Variants in CDH12 observed in about 807,000 individuals in gnomAD.
CDH12 encodes the protein cadherin-12.
A neutral mutation model predicts 74.1 loss-of-function variants in CDH12; 41 were observed. The ratio of observed to expected loss-of-function variants is 0.55; its 90% CI spans 0.43 to 0.72. CDH12 has a LOEUF of 0.72. Ranked by LOEUF, CDH12 falls within the 30% of genes least tolerant of loss-of-function variation. The pLI is 0.00. For synonymous variants in CDH12, 399 were observed against 355.0 expected, an observed-to-expected ratio of 1.12 and a Z score of -1.39; for missense variants, 945 against 977.2, an observed-to-expected ratio of 0.97 and a Z score of 0.44.
chr5:22,711,702 A>T (rs1459647563), intron 1 of CDH12, among the ~76,000 whole-genome samples: 9 of 152,084 alleles, frequency 5.9e-5, no homozygotes, highest in Admixed American at 1.3e-4. Flanking sequence ...TTTCTGAAAC[A>T]ATCTATCAAT....
intron 6 of CDH12, among the ~76,000 whole-genome samples, chr5:21,939,515 CT>C (rs1289325258): frequency 1.3e-5 from 2 of 151,700 alleles, no homozygotes; most frequent in African/African-American, 2.4e-5. Context: ...AACTAACTTC[CT>C]TTTTGCTTTT....
At chr5:22,647,889 T>C (rs957739749) in intron 1 of CDH12, among the ~76,000 whole-genome samples, 3 of 151,874 alleles carry the variant, frequency 2.0e-5, no homozygotes, top group Non-Finnish European at 4.4e-5. Flanking sequence ...ATCAATATTG[T>C]CTTATAAATG....
At chr5:22,743,407 C>T (rs1302946323) in intron 1 of CDH12, among the ~76,000 whole-genome samples, 1 of 151,514 alleles carries the variant, frequency 6.6e-6, no homozygotes, top group African/African-American at 2.4e-5. Context: ...ATGCTCCTGG[C>T]TGGGGGAAGC....
At chr5:22,040,084 T>A (rs1055161387) in intron 5 of CDH12, among the ~76,000 whole-genome samples, 2 of 151,678 alleles carry the variant, frequency 1.3e-5, no homozygotes, top group Non-Finnish European at 2.9e-5. Flanking sequence ...CAACAAAATC[T>A]GAAGGAATGA....
chr5:22,589,318 G>C (rs1484682042), intron 1 of CDH12, among the ~76,000 whole-genome samples: 1 of 152,130 alleles, frequency 6.6e-6, no homozygotes, highest in East Asian at 1.9e-4. Context: ...GTGTCATCAG[G>C]TCAAGACCAA....
chr5:22,541,032 T>C lies in CDH12; in HGVS notation c.-522-35668A>G, dbSNP rs186376532. 4.5e-3 allele frequency among the ~76,000 whole-genome samples: 690 copies of C among 152,328 alleles called. 6 individuals carry two copies. The highest frequency in any genetic ancestry group is 6.5e-3 in the Admixed American group (100 of 15,294). On this transcript the variant is annotated intron_variant, in intron 1 of 14. Transcript: ENST00000382254. ...CTTGGAGAGGGAAAGATGTTCTGTCTCTTGGTCTCCAACAGAAGTCATTTG... is the reference window on the plus strand; with the variant it reads ...CTTGGAGAGGGAAAGATGTTCTGTCCCTTGGTCTCCAACAGAAGTCATTTG...
intron 1 of CDH12, among the ~76,000 whole-genome samples, chr5:22,590,086 A>G (rs1399012851): frequency 5.3e-5 from 8 of 152,286 alleles, no homozygotes; most frequent in African/African-American, 1.7e-4. Flanking sequence ...TAAATCTGAG[A>G]CTATTATAAA....
intron 3 of CDH12, among the ~76,000 whole-genome samples, chr5:22,319,966 C>T (rs964094510): frequency 6.6e-6 from 1 of 152,046 alleles, no homozygotes; most frequent in African/African-American, 2.4e-5. Context: ...GAGATGGAGA[C>T]TAACTGACAC....
At chr5:22,096,435 G>T (rs1743785987) in intron 4 of CDH12, among the ~76,000 whole-genome samples, 1 of 151,960 alleles carries the variant, frequency 6.6e-6, no homozygotes, top group African/African-American at 2.4e-5. Flanking sequence ...AACCCCAAGT[G>T]TTGCTGAGTC....
At chr5:22,271,110 C>A (rs1460464705) in intron 3 of CDH12, among the ~76,000 whole-genome samples, 2 of 151,828 alleles carry the variant, frequency 1.3e-5, no homozygotes, top group Non-Finnish European at 2.9e-5. Context: ...AGCATTTTAC[C>A]CACAGTAAAA....
chr5:21,862,487 T>A (rs1359335387), intron 6 of CDH12, among the ~76,000 whole-genome samples: 1 of 152,108 alleles, frequency 6.6e-6, no homozygotes, highest in Non-Finnish European at 1.5e-5. Flanking sequence ...AAGTCACAGT[T>A]TCAGTTAAAG....
intron 6 of CDH12, among the ~76,000 whole-genome samples, chr5:21,968,747 G>C (rs1371782481): frequency 1.3e-5 from 2 of 152,150 alleles, no homozygotes; most frequent in East Asian, 1.9e-4. Context: ...GTATCACAAA[G>C]CTGGATGAAG....
intron 5 of CDH12, among the ~76,000 whole-genome samples, chr5:22,062,298 G>C (rs961988481): frequency 4.6e-5 from 7 of 152,072 alleles, no homozygotes; most frequent in African/African-American, 1.7e-4. Flanking sequence ...GCATACAATG[G>C]ACATGGACTA....
At chr5:22,271,658 CTT>C (rs1393746944) in intron 3 of CDH12, among the ~76,000 whole-genome samples, 1 of 152,184 alleles carries the variant, frequency 6.6e-6, no homozygotes, top group South Asian at 2.1e-4. Context: ...CGAGAATACT[CTT>C]TGGTCTTTGG....
chr5:21,880,562 C>T lies in CDH12; in HGVS notation c.527-25772G>A, dbSNP rs1297965769. ...TCCTTCCTTCCTTCCTTCCTTCCTTCCCTTCTTTCTTTCCTTCCTTCCTTC... is the reference window on the plus strand; with the variant it reads ...TCCTTCCTTCCTTCCTTCCTTCCTTTCCTTCTTTCTTTCCTTCCTTCCTTC... On this transcript the variant is annotated intron_variant, in intron 6 of 14. Transcript: ENST00000382254. Among the ~76,000 whole-genome samples, 15 of 51,816 alleles carry T rather than the reference C, an allele frequency of 2.9e-4. 3 individuals carry two copies. The highest frequency in any genetic ancestry group is 7.3e-4 in the South Asian group (1 of 1,364). 34.0% of individuals were successfully genotyped at this position (51,816 alleles called of 152,430 possible).
intron 1 of CDH12, among the ~76,000 whole-genome samples, chr5:22,678,801 A>G (rs1741344571): frequency 6.6e-6 from 1 of 152,050 alleles, no homozygotes; most frequent in Non-Finnish European, 1.5e-5. Context: ...GATCTTATTT[A>G]TTTACCTTTA....
chr5:21,920,679 A>AATAATAATAATAATG (rs1754313059), intron 6 of CDH12, among the ~76,000 whole-genome samples: 3 of 149,594 alleles, frequency 2.0e-5, no homozygotes. Context: ...TGATAATAAT[A>AATAATAATAATAATG]ATAATAATAA....
intron 5 of CDH12, among the ~76,000 whole-genome samples, chr5:22,044,561 C>T (rs931904036): frequency 1.3e-5 from 2 of 152,166 alleles, no homozygotes; most frequent in African/African-American, 4.8e-5. Flanking sequence ...AGGTCCATCC[C>T]TCAACATGTG....
At chr5:22,367,544 C>T (rs1054843316) in intron 3 of CDH12, among the ~76,000 whole-genome samples, 2 of 152,146 alleles carry the variant, frequency 1.3e-5, no homozygotes, top group African/African-American at 4.8e-5. Context: ...GATGTCATGA[C>T]AGATACCTTG....
Sources: gnomAD v4.1 joint callset for allele counts (sites outside exome capture counted in the v4.1 genomes callset) on GRCh38, gnomAD v4.1.1 for gene constraint, MANE v1.5 for transcripts, NCBI Gene and HGNC (gene_info 2026-07-23, HGNC 2026-07-21) for gene names.